PLCL2: variants seen among roughly 807,000 people sequenced by gnomAD.
PLCL2 encodes the protein inactive phospholipase C-like protein 2.
Under a neutral mutation model 79.6 loss-of-function variants are expected in PLCL2, and 4 were observed. That is an observed-to-expected ratio of 0.05 (90% CI 0.02 to 0.11). The LOEUF is 0.11. PLCL2 is among the 10% of genes least tolerant of loss of function. The pLI is 1.00. For synonymous variants in PLCL2, 484 were observed against 457.7 expected, an observed-to-expected ratio of 1.06 and a Z score of -0.73; for missense variants, 895 against 1,291.0, an observed-to-expected ratio of 0.69 and a Z score of 4.70.
At chr3:17,030,333 C>T (rs935525365) in intron 3 of PLCL2, among the ~76,000 whole-genome samples, 1 of 152,238 alleles carries the variant, frequency 6.6e-6, no homozygotes, top group Admixed American at 6.5e-5. Context: ...CTCAATAAAT[C>T]ATTGTCATTA....
At chr3:16,945,239 T>TACAC (rs10542881) in intron 1 of PLCL2, among the ~76,000 whole-genome samples, 11 of 150,320 alleles carry the variant, frequency 7.3e-5, no homozygotes, top group South Asian at 2.1e-4. Flanking sequence ...CACAAACACA[T>TACAC]ACACACACAC....
At chr3:16,963,242 AGATT>A (rs1184352451) in intron 1 of PLCL2, among the ~76,000 whole-genome samples, 4 of 152,138 alleles carry the variant, frequency 2.6e-5, no homozygotes, top group Non-Finnish European at 5.9e-5. Flanking sequence ...ACTTGTCTTC[AGATT>A]AATTACATGA....
chr3:17,048,059 T>C (rs557026727), intron 4 of PLCL2, among the ~76,000 whole-genome samples: 4 of 150,630 alleles, frequency 2.7e-5, no homozygotes, highest in Admixed American at 1.3e-4. Context: ...CAGACCTACA[T>C]GACCTGGATT....
chr3:17,028,555 C>T (rs2124907253), intron 3 of PLCL2, among the ~76,000 whole-genome samples: 1 of 151,836 alleles, frequency 6.6e-6, no homozygotes, highest in South Asian at 2.1e-4. Context: ...TGACTCACTG[C>T]AGCCTCTGCC....
intron 1 of PLCL2, among the ~76,000 whole-genome samples, chr3:16,980,518 T>G (rs1414775226): frequency 1.5e-5 from 2 of 134,600 alleles, no homozygotes; most frequent in Non-Finnish European, 3.3e-5. Flanking sequence ...GCAGAGGTGC[T>G]CCCCACATCT....
In PLCL2 at chr3:17,010,425, C is replaced by A; in HGVS notation, c.1079C>A (p.Thr360Asn). 1 of 1,613,020 alleles carries A rather than the reference C, an allele frequency of 6.2e-7. No individual in the cohort carries two copies. Among genetic ancestry groups the A allele is most frequent in the Non-Finnish European group, 8.5e-7 (1 of 1,179,174 alleles). Residue 360 changes from threonine (T) to asparagine (N), a missense_variant, in exon 2 of 6, where the codon ACC becomes AAC. Transcript: ENST00000615277. The surrounding 1 kb of genome is among the most constrained non-coding windows in gnomAD (Gnocchi z 5.8). ...QFSSNKEFLD[T>N]KDLMMFLEAE... Reference sequence around the variant, plus strand: ...TCAAGCAATAAAGAATTCCTTGATACCAAGGACCTTATGATGTTTCTTGAG... The same window carrying A: ...TCAAGCAATAAAGAATTCCTTGATAACAAGGACCTTATGATGTTTCTTGAG...
At chr3:16,920,221 G>A (rs1418358462) in intron 1 of PLCL2, among the ~76,000 whole-genome samples, 2 of 152,220 alleles carry the variant, frequency 1.3e-5, no homozygotes, top group Non-Finnish European at 1.5e-5. Context: ...CTTGATCATG[G>A]ATTCCAGATT....
At chr3:17,035,567 T>G (rs1185139919) in intron 3 of PLCL2, among the ~76,000 whole-genome samples, 1 of 152,190 alleles carries the variant, frequency 6.6e-6, no homozygotes, top group African/African-American at 2.4e-5. Flanking sequence ...CCCCACCTGC[T>G]TCCTGTTCCC....
chr3:17,077,811 C>T (rs901141258), intron 5 of PLCL2, among the ~76,000 whole-genome samples: 8 of 152,132 alleles, frequency 5.3e-5, no homozygotes, highest in South Asian at 2.1e-4. Context: ...ACTTGGAGAC[C>T]GGAAACTGCA....
intron 5 of PLCL2, among the ~76,000 whole-genome samples, chr3:17,071,323 T>C (rs2065058536): frequency 6.6e-6 from 1 of 152,216 alleles, no homozygotes; most frequent in South Asian, 2.1e-4. Context: ...GTTTAGTTTT[T>C]TTTTATTTTG....
chr3:16,968,402 G>A (rs902659715), intron 1 of PLCL2, among the ~76,000 whole-genome samples: 1 of 152,036 alleles, frequency 6.6e-6, no homozygotes, highest in Non-Finnish European at 1.5e-5. Context: ...CTATCCATGA[G>A]CATGGAATGT....
chr3:16,964,132 C>T (rs1319194488), intron 1 of PLCL2, among the ~76,000 whole-genome samples: 2 of 151,874 alleles, frequency 1.3e-5, no homozygotes, highest in African/African-American at 4.8e-5. Context: ...ATTAACTCGT[C>T]ATTTACATTA....
intron 5 of PLCL2, among the ~76,000 whole-genome samples, chr3:17,082,242 C>T (rs747072718): frequency 6.9e-6 from 1 of 144,920 alleles, no homozygotes; most frequent in Non-Finnish European, 1.5e-5. Flanking sequence ...CTCCTGGGTT[C>T]AAGCAATTCT....
intron 5 of PLCL2, among the ~76,000 whole-genome samples, chr3:17,073,698 C>T (rs1042359455): frequency 1.3e-4 from 20 of 152,232 alleles, no homozygotes; most frequent in Non-Finnish European, 2.8e-4. Flanking sequence ...ATTCTAACTC[C>T]TTTGCTGTAA....
intron 1 of PLCL2, among the ~76,000 whole-genome samples, chr3:16,923,103 C>T (rs1056742391): frequency 1.3e-5 from 2 of 152,178 alleles, no homozygotes; most frequent in African/African-American, 4.8e-5. Context: ...AACCACCAAC[C>T]AGCCATTAAA....
intron 5 of PLCL2, among the ~76,000 whole-genome samples, chr3:17,087,675 G>C (rs1304423045): frequency 1.3e-5 from 2 of 152,196 alleles, no homozygotes; most frequent in Admixed American, 6.5e-5. Flanking sequence ...TGGCAACATA[G>C]GTTCATTGAT....
At chr3:16,969,006 A>G (rs745512860) in intron 1 of PLCL2, among the ~76,000 whole-genome samples, 3 of 152,038 alleles carry the variant, frequency 2.0e-5, no homozygotes, top group Admixed American at 6.6e-5. Flanking sequence ...TGAGATGTTC[A>G]TGTGGTTTTT....
chr3:17,035,661 C>A, intron 3 of PLCL2: 1 of 411,420 alleles, frequency 2.4e-6, no homozygotes. Flanking sequence ...AACACCTCTG[C>A]TTAAAATTGT....
At chr3:17,029,170 T>C (rs1365433360) in intron 3 of PLCL2, among the ~76,000 whole-genome samples, 2 of 151,760 alleles carry the variant, frequency 1.3e-5, no homozygotes, top group East Asian at 3.9e-4. Context: ...CTCCAGATGC[T>C]TGTAGGGAGA....
Sources: allele counts gnomAD v4.1 joint callset (sites outside exome capture counted in the v4.1 genomes callset), GRCh38; gene constraint gnomAD v4.1.1; non-coding constraint Gnocchi (gnomAD v3.1); transcripts MANE v1.5; gene names NCBI Gene and HGNC (gene_info 2026-07-23, HGNC 2026-07-21).